Variants in FAM110A observed in about 807,000 individuals in gnomAD.
FAM110A encodes the protein protein FAM110A.
In FAM110A, 1 loss-of-function variant was observed where a neutral mutation model predicts 4.0. That is an observed-to-expected ratio of 0.25 (90% CI 0.09 to 1.20). FAM110A has a LOEUF of 1.20. FAM110A is among the 50% of genes most tolerant of loss of function. The pLI, the probability that FAM110A is intolerant of heterozygous loss-of-function variation, is 0.50. For missense variants in FAM110A, 436 were observed against 429.2 expected (o/e 1.02, Z -0.14); for synonymous variants, 217 against 196.8 (o/e 1.10, Z -0.86).
In FAM110A at chr20:845,072, C is replaced by A; in HGVS notation, c.268C>A (p.Arg90Ser). 3 of 1,596,342 alleles carry A rather than the reference C, an allele frequency of 1.9e-6. No homozygotes were observed. Among genetic ancestry groups the A allele is most frequent in the Non-Finnish European group, 2.6e-6 (3 of 1,172,604 alleles). ...TCGCCGCACAGTGCTCACGCCCAGCCGCCGAGCCCTGCCTGGCCCCTGCCG... is the reference window on the plus strand; with the variant it reads ...TCGCCGCACAGTGCTCACGCCCAGCAGCCGAGCCCTGCCTGGCCCCTGCCG... The part of the protein sequence containing the change: ...ETRRTVLTPS[R>S]RALPGPCRRP... The change falls in exon 2 of 2, where the codon CGC becomes AGC. Residue 90 changes from arginine (R) to serine (S), a missense_variant. Arg to Ser is a moderately radical substitution (Grantham distance 110, BLOSUM62 -1). Transcript: ENST00000381941.
intron 1 of FAM110A, among the ~76,000 whole-genome samples, chr20:838,987 G>T (rs925587386): frequency 6.6e-6 from 1 of 152,072 alleles, no homozygotes; most frequent in Non-Finnish European, 1.5e-5. Flanking sequence ...AAACATTGCC[G>T]TTATTGCCCC....
Position 840,100 on chromosome 20 carries a change from T to G in FAM110A, c.-97-4608T>G. ...TATTAGCGCCTGAAGGAGCCTTCCC[T>G]CCCCATCCCCCATTTCTGCCTCCGT... On this transcript the variant is annotated intron_variant, in intron 1 of 1. Coordinates refer to ENST00000381941, the MANE Select transcript of FAM110A (RefSeq NM_001042353.3). This position sits in a 1 kb window ranked among gnomAD's most constrained non-coding sequence, Gnocchi z 4.4. The G allele has an allele frequency of 1.5e-6, 1 of 658,936 alleles. No individual in the cohort carries two copies. The highest frequency in any genetic ancestry group is 2.7e-6 in the Non-Finnish European group (1 of 366,180). The allele number at this position is 658,936 out of a possible 1,614,324, so 40.8% of individuals were successfully genotyped here.
chr20:839,687 G>A, intron 1 of FAM110A: 4 of 1,235,652 alleles, frequency 3.2e-6, no homozygotes, highest in South Asian at 1.2e-5. Flanking sequence ...CAATCTCCGG[G>A]GGCAGATGTA....
Position 834,900 on chromosome 20 carries a change from C to A in FAM110A, c.-98+949C>A, listed in dbSNP as rs1326876866. On this transcript the variant is annotated intron_variant, in intron 1 of 1. Coordinates refer to ENST00000381941, the MANE Select transcript of FAM110A (RefSeq NM_001042353.3). This position sits in a 1 kb window ranked among gnomAD's most constrained non-coding sequence, Gnocchi z 5.6. ...GGACTCAGAAAGAAAACAAGGCTTT[C>A]TTTTATTCTTTCAACAAATATTATT... Among the ~76,000 whole-genome samples the A allele has an allele frequency of 6.6e-6, 1 of 152,170 alleles. No homozygotes were observed. The highest frequency in any genetic ancestry group is 1.5e-5 in the Non-Finnish European group (1 of 68,020).
rs946134158 is a variant in FAM110A, at chr20:840,845, A to G, written c.-97-3863A>G. On this transcript the variant is annotated intron_variant, in intron 1 of 1. Coordinates refer to ENST00000381941, the MANE Select transcript of FAM110A (RefSeq NM_001042353.3). The surrounding 1 kb of genome is among the most constrained non-coding windows in gnomAD (Gnocchi z 4.4). ...TCTCAGCCTCAGTTTACCATTAGTC[A>G]AATGGGGTAACAATAGAACTCACCA... Among the ~76,000 whole-genome samples, 6 of 152,194 alleles carry G rather than the reference A, an allele frequency of 3.9e-5. No homozygotes were observed. The highest frequency in any genetic ancestry group is 8.8e-5 in the Non-Finnish European group (6 of 68,030).
chr20:841,277 G>C (rs1979882974), intron 1 of FAM110A: 1 of 152,216 alleles, frequency 6.6e-6, no homozygotes, highest in South Asian at 2.1e-4. Flanking sequence ...CAGGTGGGCC[G>C]GGCCGGAGGA....
chr20:845,490 C>T lies in FAM110A; in HGVS notation c.686C>T (p.Ser229Leu), dbSNP rs772097008. The T allele has an allele frequency of 2.5e-6, 4 of 1,612,464 alleles. No homozygotes were observed. The African/African-American group carries it at 4.0e-5, about 16-fold the overall frequency. Residue 229 changes from serine to leucine, a missense_variant, in exon 2 of 2, where the codon TCG becomes TTG. Coordinates refer to ENST00000381941, the MANE Select transcript of FAM110A (RefSeq NM_001042353.3). ...GTGGCCCACCTGGCACGGGCCAGCTCGGATATCGTGTCCCTGGCAGGGCCC... is the reference window on the plus strand; with the variant it reads ...GTGGCCCACCTGGCACGGGCCAGCTTGGATATCGTGTCCCTGGCAGGGCCC... ...LGVAHLARAS[S>L]DIVSLAGPSA...
chr20:835,406 G>A (rs1437857290), intron 1 of FAM110A, among the ~76,000 whole-genome samples: 1 of 152,016 alleles, frequency 6.6e-6, no homozygotes, highest in Non-Finnish European at 1.5e-5. Flanking sequence ...ACTCAGGCCT[G>A]GGCAGAGGGC....
intron 1 of FAM110A, 75 bp from the exon 2 acceptor site, chr20:844,633 C>A: frequency 9.2e-7 from 1 of 1,090,192 alleles, no homozygotes. Flanking sequence ...GGCGTCTTAT[C>A]CTCTCAGCCG....
At position 845,745 on chromosome 20, in the gene FAM110A, TC is replaced by T. The variant is rs1980314061; in HGVS notation, c.*56del. ...GGACGGATCTTACAGAGGCAAGTGGTCCCTGGACCTCTCTTGCATCCATTCT... is the reference window on the plus strand; with the variant it reads ...GGACGGATCTTACAGAGGCAAGTGGTCCTGGACCTCTCTTGCATCCATTCT... On this transcript the variant is annotated 3_prime_UTR_variant, in exon 2 of 2. Transcript: ENST00000381941. 1.2e-6 allele frequency: 2 copies of T among 1,605,976 alleles called. No individual in the cohort carries two copies. The highest frequency in any genetic ancestry group is 2.7e-5 in the African/African-American group (2 of 74,806).
intron 1 of FAM110A, among the ~76,000 whole-genome samples, chr20:835,204 A>C (rs531423857): frequency 0.011 from 1,670 of 146,466 alleles, 20 homozygotes; most frequent in Middle Eastern, 0.021. Context: ...CTCTCTCTAT[A>C]TATATATATA....
Position 840,047 on chromosome 20 carries a change from A to G in FAM110A, c.-97-4661A>G, listed in dbSNP as rs2122669707. 1.2e-6 allele frequency: 1 copy of G among 829,502 alleles called. No individual in the cohort carries two copies. Among genetic ancestry groups the G allele is most frequent in the Non-Finnish European group, 2.0e-6 (1 of 502,224 alleles). 51.4% of individuals were successfully genotyped at this position (829,502 alleles called of 1,614,324 possible). On this transcript the variant is annotated intron_variant, in intron 1 of 1. Coordinates refer to ENST00000381941, the MANE Select transcript of FAM110A (RefSeq NM_001042353.3). This position sits in a 1 kb window ranked among gnomAD's most constrained non-coding sequence, Gnocchi z 4.4. ...TGTTCTTTTCTTTGCTATTACGAAA[A>G]TCATTATTGTTGCTTTGCTGTTACT... is the stretch of plus-strand genomic sequence containing the variant.
chr20:845,665 T>G lies in FAM110A; in HGVS notation c.861T>G (p.Ala287=). ...AGTGGTTGTATGGGCTAAGGCAGGCTCGGGAGAGCCCAGCAGCTGAAGGCT... is the reference window on the plus strand; with the variant it reads ...AGTGGTTGTATGGGCTAAGGCAGGCGCGGGAGAGCCCAGCAGCTGAAGGCT... ...VIKWLYGLRQ[A]RESPAAEG is the part of the protein sequence containing the mutation. Residue 287 remains alanine, a synonymous_variant, in exon 2 of 2, where the codon GCT becomes GCG. Coordinates refer to ENST00000381941, the MANE Select transcript of FAM110A (RefSeq NM_001042353.3). 1 of 1,614,028 alleles carries G rather than the reference T, an allele frequency of 6.2e-7. No homozygotes were observed. Among genetic ancestry groups the G allele is most frequent in the African/African-American group, 1.3e-5 (1 of 75,020 alleles).
chr20:844,677 T>TTG, intron 1 of FAM110A, 31 bp from the exon 2 acceptor site: 1 of 999,698 alleles, frequency 1.0e-6, no homozygotes, highest in Non-Finnish European at 1.3e-6. Context: ...GCGCTCGGCT[T>TTG]TTTTTTTTTT....
At chr20:841,560 T>C (rs937669282) in intron 1 of FAM110A, among the ~76,000 whole-genome samples, 3 of 151,694 alleles carry the variant, frequency 2.0e-5, no homozygotes, top group African/African-American at 7.3e-5. Context: ...TTTTCCGGAA[T>C]TGAGGGAGAG....
At chr20:839,500 C>G in intron 1 of FAM110A, 2 of 973,956 alleles carry the variant, frequency 2.1e-6, no homozygotes, top group Admixed American at 3.4e-5. Flanking sequence ...AACTGGAATT[C>G]GGTTGCTGAC....
chr20:836,748 T>C (rs1314032402), intron 1 of FAM110A, among the ~76,000 whole-genome samples: 1 of 152,250 alleles, frequency 6.6e-6, no homozygotes, highest in Non-Finnish European at 1.5e-5. Flanking sequence ...GGTGATCCTA[T>C]GGCAATTCTG....
At chr20:839,763 G>C in intron 1 of FAM110A, 1 of 1,447,356 alleles carries the variant, frequency 6.9e-7, no homozygotes, top group East Asian at 2.3e-5. Flanking sequence ...ACCCTCATTG[G>C]TAAGGTACCA....
In FAM110A at chr20:844,841, G is replaced by C; in HGVS notation, c.37G>C (p.Ala13Pro). Residue 13 changes from alanine (A) to proline (P), a missense_variant, in exon 2 of 2, where the codon GCC becomes CCC. Coordinates refer to ENST00000381941, the MANE Select transcript of FAM110A (RefSeq NM_001042353.3). ...CACGCTGAGCCCCGGAGCCCCGTCCGCCCCCGCCCTACCTTGCCGCCTGCG... is the reference window on the plus strand; with the variant it reads ...CACGCTGAGCCCCGGAGCCCCGTCCCCCCCCGCCCTACCTTGCCGCCTGCG... Reference protein sequence around the residue: ...VHTLSPGAPSAPALPCRLRTR... With the variant: ...VHTLSPGAPSPPALPCRLRTR... The C allele has an allele frequency of 6.6e-7, 1 of 1,520,466 alleles. No individual in the cohort carries two copies. The highest frequency in any genetic ancestry group is 8.8e-7 in the Non-Finnish European group (1 of 1,134,280). 94.2% of individuals were successfully genotyped at this position (1,520,466 alleles called of 1,614,324 possible).
Sources: allele counts gnomAD v4.1 joint callset (sites outside exome capture counted in the v4.1 genomes callset), GRCh38; gene constraint gnomAD v4.1.1; non-coding constraint Gnocchi (gnomAD v3.1); transcripts MANE v1.5; gene names NCBI Gene and HGNC (gene_info 2026-07-23, HGNC 2026-07-21).